The following DYRK1A variants were observed in gnomAD, a reference collection of about 807,000 sequenced individuals.
DYRK1A encodes dual specificity tyrosine phosphorylation regulated kinase 1A, also known as dual specificity tyrosine-phosphorylation-regulated kinase 1A.
Under a neutral mutation model 79.7 loss-of-function variants are expected in DYRK1A, and 9 were observed. The observed-to-expected ratio is 0.11, with a 90% CI of 0.07 to 0.20. The LOEUF (loss-of-function observed/expected upper bound fraction) is 0.20, where lower values mean the gene tolerates loss of function less well. Among genes scored for constraint, DYRK1A ranks in the 10% least tolerant of loss-of-function variants. The probability of loss-of-function intolerance (pLI) is 1.00; values close to 1 mark genes in which losing one functional copy is unlikely to be tolerated. For missense variants in DYRK1A, 622 were observed against 956.0 expected (o/e 0.65, Z 4.61); for synonymous variants, 349 against 329.7 (o/e 1.06, Z -0.63).
rs1186946369 is a variant in DYRK1A at position 37,512,201 on chromosome 21, C to T, written c.1935C>T (p.Ser645=). ...DSMEVGHSHH[S]MTSLSSSTTS... is the part of the protein sequence containing the mutation. ...TGGAGGTTGGCCACAGTCACCACTCCATGACATCCCTGTCTTCCTCAACGA... is the reference window on the plus strand; with the variant it reads ...TGGAGGTTGGCCACAGTCACCACTCTATGACATCCCTGTCTTCCTCAACGA... The change falls in exon 12 of 12, where the codon TCC becomes TCT. Residue 645 remains serine (S), a synonymous_variant. Transcript: ENST00000647188. 5.6e-6 allele frequency: 9 copies of T among 1,614,110 alleles called. No homozygotes were observed. Among genetic ancestry groups the T allele is most frequent in the Non-Finnish European group, 7.6e-6 (9 of 1,180,046 alleles).
chr21:37,474,774 A>G (rs1384577713), intron 3 of DYRK1A, among the ~76,000 whole-genome samples: 2 of 152,230 alleles, frequency 1.3e-5, no homozygotes, highest in African/African-American at 4.8e-5. Context: ...ATAGAGCGAA[A>G]GTAGGTGTAG....
At chr21:37,419,278 A>G (rs924635374) in intron 1 of DYRK1A, 32 of 152,176 alleles carry the variant, frequency 2.1e-4, no homozygotes, top group African/African-American at 7.7e-4. Context: ...AACTTAGGGA[A>G]AAGGATTATT....
chr21:37,390,190 C>T (rs2049844039), intron 1 of DYRK1A, among the ~76,000 whole-genome samples: 1 of 152,078 alleles, frequency 6.6e-6, no homozygotes, highest in Non-Finnish European at 1.5e-5. Flanking sequence ...GAGAATATGT[C>T]TTTGATGTCT....
intron 1 of DYRK1A, among the ~76,000 whole-genome samples, chr21:37,369,248 G>T (rs969362969): frequency 6.6e-6 from 1 of 152,142 alleles, no homozygotes; most frequent in Non-Finnish European, 1.5e-5. Context: ...TTTAGCTTTT[G>T]TGTTGTTTAA....
At chr21:37,495,648 G>T (rs918849880) in intron 8 of DYRK1A, among the ~76,000 whole-genome samples, 1 of 151,926 alleles carries the variant, frequency 6.6e-6, no homozygotes, top group African/African-American at 2.4e-5. Flanking sequence ...AAATAGCCGG[G>T]CATGGTGGTA....
In DYRK1A at chr21:37,521,718, A is replaced by G. The variant is rs1488177731; in HGVS notation, c.*9187A>G. ...TGGTGGGAATGCCCTAGAATCTAGG[A>G]GAAGACAACAGGCCATTCGAAGGTG... On this transcript the variant is annotated 3_prime_UTR_variant, in exon 12 of 12. Transcript: ENST00000647188. The G allele has an allele frequency of 6.6e-6, 1 of 152,236 alleles. No individual in the cohort carries two copies. Among genetic ancestry groups the G allele is most frequent in the African/African-American group, 2.4e-5 (1 of 41,442 alleles). The allele number at this position is 152,236 out of a possible 1,614,324, so 9.4% of individuals were successfully genotyped here.
intron 2 of DYRK1A, among the ~76,000 whole-genome samples, chr21:37,445,273 A>C (rs1382463991): frequency 2.6e-5 from 4 of 152,242 alleles, no homozygotes; most frequent in Non-Finnish European, 5.9e-5. Flanking sequence ...ATAATTCAAC[A>C]AAACAGAATG....
intron 1 of DYRK1A, among the ~76,000 whole-genome samples, chr21:37,401,508 G>A (rs2050053895): frequency 2.1e-5 from 3 of 145,368 alleles, no homozygotes; most frequent in Admixed American, 6.9e-5. Flanking sequence ...GGGAGACAGA[G>A]TTTCGCTCTT....
intron 2 of DYRK1A, among the ~76,000 whole-genome samples, chr21:37,445,514 A>G (rs1186437514): frequency 6.6e-6 from 1 of 152,214 alleles, no homozygotes; most frequent in African/African-American, 2.4e-5. Context: ...TACACAGTAA[A>G]CATCTGAACA....
chr21:37,507,817 G>A (rs911857043), intron 11 of DYRK1A, among the ~76,000 whole-genome samples: 9 of 151,904 alleles, frequency 5.9e-5, no homozygotes, highest in African/African-American at 1.5e-4. Context: ...CACCTGCCAG[G>A]GCCTGCAGTC....
chr21:37,390,089 T>C (rs1365665644), intron 1 of DYRK1A, among the ~76,000 whole-genome samples: 1 of 151,776 alleles, frequency 6.6e-6, no homozygotes, highest in African/African-American at 2.4e-5. Flanking sequence ...GTGCTCAGCC[T>C]TCACTTTTGT....
chr21:37,485,406 ATTAGTGCAT>A (rs931047533), intron 5 of DYRK1A, among the ~76,000 whole-genome samples: 1 of 151,964 alleles, frequency 6.6e-6, no homozygotes, highest in Non-Finnish European at 1.5e-5. Context: ...GAAACCAGAG[ATTAGTGCAT>A]TTTTTATTCC....
At chr21:37,489,783 G>C (rs1464608791) in intron 6 of DYRK1A, among the ~76,000 whole-genome samples, 1 of 152,134 alleles carries the variant, frequency 6.6e-6, no homozygotes, top group Admixed American at 6.6e-5. Flanking sequence ...GTGGAGCTTA[G>C]ACATAGGAAG....
intron 1 of DYRK1A, among the ~76,000 whole-genome samples, chr21:37,375,371 A>G (rs951799877): frequency 6.6e-6 from 1 of 152,176 alleles, no homozygotes; most frequent in Admixed American, 6.5e-5. Context: ...ATTAGAAGGA[A>G]CAAAGGTAGT....
At chr21:37,455,560 C>T (rs564408873) in intron 2 of DYRK1A, among the ~76,000 whole-genome samples, 11 of 152,200 alleles carry the variant, frequency 7.2e-5, no homozygotes, top group Non-Finnish European at 7.4e-5. Context: ...TCTTATCTGT[C>T]GTCCGTATTG....
At chr21:37,376,490 G>A (rs935968254) in intron 1 of DYRK1A, among the ~76,000 whole-genome samples, 3 of 152,100 alleles carry the variant, frequency 2.0e-5, no homozygotes, top group Non-Finnish European at 4.4e-5. Context: ...GTGAGACTTC[G>A]TCTCAATTTT....
chr21:37,366,147 C>A (rs1174764470), upstream of DYRK1A: 13 of 151,592 alleles, frequency 8.6e-5, no homozygotes, highest in African/African-American at 2.9e-4. Context: ...GGCCGCCGCG[C>A]TTCCCGGGGA....
intron 2 of DYRK1A, chr21:37,421,955 T>TG (rs1358698714): frequency 6.6e-6 from 1 of 152,180 alleles, no homozygotes; most frequent in African/African-American, 2.4e-5. Context: ...CGTGAAATTT[T>TG]GGAGTTACAA....
At position 37,440,130 on chromosome 21, in the gene DYRK1A, CTTTTTTT is replaced by C. The variant is rs1164986221; in HGVS notation, c.10+19763_10+19769del. On this transcript the variant is annotated intron_variant, in intron 2 of 11. Coordinates refer to ENST00000647188, the MANE Select transcript of DYRK1A (RefSeq NM_001347721.2). ...CCGTTGACTTTGATTTTGTTTGCTCCTTTTTTTTTTTTTTTTTTTTTTTGAGACGGAG... is the reference window on the plus strand; with the variant it reads ...CCGTTGACTTTGATTTTGTTTGCTCCTTTTTTTTTTTTTTTTGAGACGGAG... Among the ~76,000 whole-genome samples the C allele has an allele frequency of 4.5e-4, 17 of 37,760 alleles. No homozygotes were observed. In the South Asian group the frequency reaches 5.2e-3, roughly 12 times the overall value. The allele number at this position is 37,760 out of a possible 152,430, so 24.8% of individuals were successfully genotyped here. A position where few individuals can be genotyped will look rare whatever the true frequency, so the allele number is the denominator to read the frequency against.
Sources: gnomAD v4.1 joint callset for allele counts (sites outside exome capture counted in the v4.1 genomes callset) on GRCh38, gnomAD v4.1.1 for gene constraint, MANE v1.5 for transcripts, NCBI Gene and HGNC (gene_info 2026-07-23, HGNC 2026-07-21) for gene names.